The following ARMC8 variants were observed in gnomAD, a reference collection of about 807,000 sequenced individuals.
ARMC8 encodes armadillo repeat containing 8, also known as armadillo repeat-containing protein 8.
In ARMC8, 20 loss-of-function variants were observed where a neutral mutation model predicts 99.3. The observed-to-expected ratio is 0.20, with a 90% CI of 0.14 to 0.29. The LOEUF is 0.29. ARMC8 is among the 10% of genes least tolerant of loss of function. The pLI is 1.00. For missense variants in ARMC8, 569 were observed against 809.5 expected, an observed-to-expected ratio of 0.70 and a Z score of 3.60; for synonymous variants, 263 against 278.3, an observed-to-expected ratio of 0.95 and a Z score of 0.55.
intron 12 of ARMC8, 43 bp from the exon 13 acceptor site, chr3:138,263,696 A>T: frequency 1.3e-6 from 2 of 1,494,842 alleles, no homozygotes; most frequent in Non-Finnish European, 1.9e-6. Flanking sequence ...GAAGTTTGTC[A>T]CCTTCATGTT....
chr3:138,213,092 G>C (rs560809917), intron 2 of ARMC8, among the ~76,000 whole-genome samples: 1 of 152,318 alleles, frequency 6.6e-6, no homozygotes, highest in South Asian at 2.1e-4. Flanking sequence ...AACACAGTGA[G>C]ACTCTATCTT....
At chr3:138,252,308 CT>C (rs2047155502) in intron 12 of ARMC8, among the ~76,000 whole-genome samples, 1 of 152,100 alleles carries the variant, frequency 6.6e-6, no homozygotes, top group South Asian at 2.1e-4. Flanking sequence ...TATGTGTTGA[CT>C]TTTGACTGTT....
chr3:138,197,339 C>G (rs2043795898), intron 1 of ARMC8, among the ~76,000 whole-genome samples: 1 of 152,194 alleles, frequency 6.6e-6, no homozygotes, highest in East Asian at 1.9e-4. Context: ...CTGTAAGAAT[C>G]TGAAGCAAAT....
At chr3:138,265,024 A>G (rs1236630828) in intron 14 of ARMC8, among the ~76,000 whole-genome samples, 1 of 151,894 alleles carries the variant, frequency 6.6e-6, no homozygotes, top group Admixed American at 6.6e-5. Context: ...TGGCCTCCCA[A>G]GTAACTGGGA....
intron 9 of ARMC8, chr3:138,238,060 T>C (rs2046419644): frequency 6.6e-6 from 1 of 150,900 alleles, no homozygotes; most frequent in African/African-American, 2.4e-5. Flanking sequence ...AAGATACTTA[T>C]GCAAAGGTTT....
intron 5 of ARMC8, among the ~76,000 whole-genome samples, chr3:138,227,798 A>T (rs2045771371): frequency 6.6e-6 from 1 of 152,140 alleles, no homozygotes; most frequent in African/African-American, 2.4e-5. Context: ...CCCCAAACCT[A>T]CAGTATCAGA....
chr3:138,196,329 A>C (rs934624074), intron 1 of ARMC8, among the ~76,000 whole-genome samples: 8 of 152,112 alleles, frequency 5.3e-5, no homozygotes, highest in Non-Finnish European at 4.4e-5. Context: ...GGACATGCCA[A>C]ATTTGTAGTC....
At chr3:138,219,627 T>C (rs936047487) in intron 2 of ARMC8, among the ~76,000 whole-genome samples, 30 of 152,378 alleles carry the variant, frequency 2.0e-4, no homozygotes, top group African/African-American at 6.7e-4. Flanking sequence ...TTCATGGAAG[T>C]GATCTATTAA....
At chr3:138,289,913 G>A (rs536205274) in intron 20 of ARMC8, among the ~76,000 whole-genome samples, 53 of 152,180 alleles carry the variant, frequency 3.5e-4, no homozygotes, top group Non-Finnish European at 6.9e-4. Context: ...AGACTCCAGG[G>A]GATTACTCAG....
intron 9 of ARMC8, chr3:138,237,939 A>G (rs1422366298): frequency 3.6e-5 from 6 of 167,426 alleles, no homozygotes; most frequent in African/African-American, 1.2e-4. Context: ...GAAATATGGA[A>G]TGAGAATTAG....
chr3:138,256,656 C>T (rs566566934), intron 12 of ARMC8, among the ~76,000 whole-genome samples: 30 of 152,086 alleles, frequency 2.0e-4, no homozygotes, highest in Admixed American at 1.8e-3. Context: ...GTGATCTGCC[C>T]GCCTCGGCCT....
At chr3:138,237,129 T>G in intron 7 of ARMC8, 180 bp from the exon 8 acceptor site, 1 of 522,286 alleles carries the variant, frequency 1.9e-6, no homozygotes, top group Non-Finnish European at 3.3e-6. Flanking sequence ...TTCTAACTTT[T>G]ATAGTTAATT....
At chr3:138,224,718 C>T (rs1192384555) in intron 5 of ARMC8, among the ~76,000 whole-genome samples, 2 of 152,208 alleles carry the variant, frequency 1.3e-5, no homozygotes, top group Non-Finnish European at 2.9e-5. Context: ...CCACCCTACT[C>T]CAGCCTGGGC....
upstream of ARMC8, chr3:138,187,279 G>A: frequency 2.4e-6 from 1 of 413,434 alleles, no homozygotes; most frequent in Non-Finnish European, 4.3e-6. Context: ...GATCTTCTTT[G>A]CGCATGCGGA....
rs1318082881 is a variant in ARMC8, at chr3:138,290,550, A to G, written c.1899A>G (p.Ser633=). 2 of 1,600,572 alleles carry G rather than the reference A, an allele frequency of 1.2e-6. No individual in the cohort carries two copies. Among genetic ancestry groups the G allele is most frequent in the Non-Finnish European group, 1.7e-6 (2 of 1,173,672 alleles). The change falls in exon 21 of 22, where the codon TCA becomes TCG. Residue 633 remains serine, a synonymous_variant. Coordinates refer to ENST00000469044, the MANE Select transcript of ARMC8 (RefSeq NM_001363941.2). The stretch of plus-strand genomic sequence containing the variant: ...AACCTGGCTTTAATCGTTTAGGTTC[A>G]CAAGAACGCCAGGATAAATTACGAG... ...SNLIWNEEEG[S]QERQDKLRDM...
At chr3:138,270,555 AT>A (rs1011090786) in intron 16 of ARMC8, among the ~76,000 whole-genome samples, 8 of 152,060 alleles carry the variant, frequency 5.3e-5, no homozygotes, top group African/African-American at 1.4e-4. Context: ...CAGAATGATT[AT>A]TTTTTTTAAT....
chr3:138,283,669 T>C (rs2050141646), intron 18 of ARMC8, among the ~76,000 whole-genome samples: 1 of 152,162 alleles, frequency 6.6e-6, no homozygotes, highest in Admixed American at 6.5e-5. Flanking sequence ...ATTATCTTAA[T>C]TTTTGCCTCC....
At chr3:138,274,819 A>T (rs192065467) in intron 18 of ARMC8, among the ~76,000 whole-genome samples, 1 of 152,182 alleles carries the variant, frequency 6.6e-6, no homozygotes, top group Non-Finnish European at 1.5e-5. Context: ...ACCTTTCATC[A>T]TCCTGGAATG....
chr3:138,206,816 G>A (rs1559923470), intron 1 of ARMC8, among the ~76,000 whole-genome samples: 1 of 152,170 alleles, frequency 6.6e-6, no homozygotes, highest in Non-Finnish European at 1.5e-5. Context: ...GGTTGAATAA[G>A]TGATCATACC....
Sources: gnomAD v4.1 joint callset for allele counts (sites outside exome capture counted in the v4.1 genomes callset) on GRCh38, gnomAD v4.1.1 for gene constraint, MANE v1.5 for transcripts, NCBI Gene and HGNC (gene_info 2026-07-23, HGNC 2026-07-21) for gene names.